The following NVL variants were observed in gnomAD, a reference collection of about 807,000 sequenced individuals.
NVL encodes nuclear VCP like.
In NVL, 84 loss-of-function variants were observed where a neutral mutation model predicts 110.2. The ratio of observed to expected loss-of-function variants is 0.76; its 90% CI spans 0.64 to 0.91. NVL has a LOEUF of 0.91. Ranked by LOEUF, NVL falls within the 40% of genes least tolerant of loss-of-function variation. The pLI, the probability that NVL is intolerant of heterozygous loss-of-function variation, is 0.00. For missense variants in NVL, 882 were observed against 1,035.9 expected (o/e 0.85, Z 2.04); for synonymous variants, 354 against 361.1 (o/e 0.98, Z 0.22).
intron 4 of NVL, chr1:224,313,294 A>T (rs984422446): frequency 1.3e-5 from 2 of 154,264 alleles, no homozygotes; most frequent in African/African-American, 4.8e-5. Flanking sequence ...TTTGCCTTAC[A>T]ACTCATGCCC....
chr1:224,327,005 T>G (rs577620978), intron 1 of NVL, among the ~76,000 whole-genome samples: 2 of 152,110 alleles, frequency 1.3e-5, no homozygotes, highest in Non-Finnish European at 2.9e-5. Context: ...TGGTTGGATG[T>G]GGTGGCTTGT....
At position 224,308,088 on chromosome 1, in the gene NVL, C is replaced by T. The variant is rs1669113767; in HGVS notation, c.518G>A (p.Trp173Ter). Residue 173 changes from tryptophan to a stop codon, truncating the protein, a stop_gained, in exon 6 of 23, where the codon TGG (tryptophan) becomes TAG (stop). Coordinates refer to ENST00000281701, the MANE Select transcript of NVL (RefSeq NM_002533.4). LOFTEE classifies it high-confidence loss of function. ...KTPAKDSEGG[W>*]FIDKTPSVKK... ...TACACTTGGGGTTTTGTCAATAAAC[C>T]ATCCTCCTTCAGAATCTTTGGCAGG... 1 of 1,611,034 alleles carries T rather than the reference C, an allele frequency of 6.2e-7. No individual in the cohort carries two copies. The highest frequency in any genetic ancestry group is 8.5e-7 in the Non-Finnish European group (1 of 1,178,972).
intron 8 of NVL, 134 bp downstream of exon 8, chr1:224,304,601 TC>T: frequency 1.4e-6 from 1 of 708,408 alleles, no homozygotes; most frequent in Non-Finnish European, 2.5e-6. Context: ...AGGGTACAGG[TC>T]AGGTTTGCCC....
chr1:224,288,397 C>G (rs1667069518), intron 13 of NVL, among the ~76,000 whole-genome samples: 1 of 152,010 alleles, frequency 6.6e-6, no homozygotes, highest in Admixed American at 6.6e-5. Context: ...TAATATGGTT[C>G]CTTGATGGTT....
intron 18 of NVL, among the ~76,000 whole-genome samples, chr1:224,257,895 G>A (rs951025928): frequency 1.3e-5 from 2 of 151,972 alleles, no homozygotes; most frequent in Non-Finnish European, 1.5e-5. Context: ...CTCACAACAC[G>A]CAACAAATTA....
rs1319728218 is a variant in NVL at position 224,300,648 on chromosome 1, T to C, written c.976A>G (p.Ile326Val). 1.2e-6 allele frequency: 2 copies of C among 1,613,822 alleles called. No homozygotes were observed. Among genetic ancestry groups the C allele is most frequent in the Non-Finnish European group, 1.7e-6 (2 of 1,179,776 alleles). The change falls in exon 10 of 23, where the codon ATT becomes GTT. Residue 326 changes from isoleucine to valine, a missense_variant. Physicochemically the swap from Ile to Val is conservative, Grantham distance 29. Transcript: ENST00000281701. ...ATCTCTGGAGCAGCCACTTTCAAAA[T>C]TGGCAGGTCAAGTTCCTATGCAGAC... ...HAIAGELDLP[I>V]LKVAAPEIVS...
chr1:224,290,941 C>A (rs1348520090), intron 12 of NVL, among the ~76,000 whole-genome samples: 1 of 151,972 alleles, frequency 6.6e-6, no homozygotes, highest in Non-Finnish European at 1.5e-5. Context: ...TGCACTCCAG[C>A]CCGGACGACA....
intron 18 of NVL, among the ~76,000 whole-genome samples, chr1:224,258,941 G>A (rs1029665283): frequency 2.8e-5 from 4 of 140,806 alleles, no homozygotes; most frequent in South Asian, 2.3e-4. Flanking sequence ...CCAGGAGTGC[G>A]AGACCAACCT....
intron 19 of NVL, 155 bp from the exon 20 acceptor site, chr1:224,236,737 C>A (rs1217538346): frequency 2.6e-5 from 15 of 577,634 alleles, no homozygotes; most frequent in Non-Finnish European, 2.2e-5. Flanking sequence ...ATGGTAAAAC[C>A]CCATCTCTAC....
rs200099096 is a variant in NVL, at chr1:224,304,696, A to G, written c.825+40T>C. On this transcript the variant is annotated intron_variant, in intron 8 of 22. Coordinates refer to ENST00000281701, the MANE Select transcript of NVL (RefSeq NM_002533.4). ...GGCTTTTTCCTCATAACTGATTAGT[A>G]ATATATCCATTTGAGGTAAAATTCA... 7.4e-5 allele frequency: 109 copies of G among 1,469,430 alleles called. No individual in the cohort carries two copies. In the African/African-American group the frequency reaches 1.1e-3, roughly 15 times the overall value. 91.0% of individuals were successfully genotyped at this position (1,469,430 alleles called of 1,614,324 possible).
chr1:224,254,663 T>C (rs1328114910), intron 18 of NVL, among the ~76,000 whole-genome samples: 1 of 145,990 alleles, frequency 6.8e-6, no homozygotes, highest in Non-Finnish European at 1.5e-5. Flanking sequence ...GATCTGCTCA[T>C]CTCGGCCTCC....
At chr1:224,295,242 A>G (rs984372653) in intron 11 of NVL, among the ~76,000 whole-genome samples, 2 of 151,602 alleles carry the variant, frequency 1.3e-5, no homozygotes, top group East Asian at 1.9e-4. Context: ...GCCCAGGCTG[A>G]AGTGCAGTGG....
chr1:224,237,538 T>G (rs1421699711), intron 19 of NVL, among the ~76,000 whole-genome samples: 1 of 152,120 alleles, frequency 6.6e-6, no homozygotes, highest in East Asian at 1.9e-4. Flanking sequence ...GCATACATTA[T>G]GTTTAATAAT....
intron 19 of NVL, among the ~76,000 whole-genome samples, chr1:224,243,157 G>A (rs1382592473): frequency 2.6e-5 from 4 of 151,674 alleles, no homozygotes; most frequent in African/African-American, 9.7e-5. Flanking sequence ...TCACACAGTC[G>A]ACTGTGAAAA....
rs750744570 is a variant in NVL at position 224,308,068 on chromosome 1, T to G, written c.538A>C (p.Ser180Arg). 5 of 1,606,842 alleles carry G rather than the reference T, an allele frequency of 3.1e-6. No individual in the cohort carries two copies. The highest frequency in any genetic ancestry group is 4.2e-6 in the Non-Finnish European group (5 of 1,177,792). ...EGGWFIDKTP[S>R]VKKDSFFLDL... ...AAGAAAAAACTGTCTTTCTTTACAC[T>G]TGGGGTTTTGTCAATAAACCATCCT... Residue 180 changes from serine to arginine, a missense_variant, in exon 6 of 23, where the codon AGT (serine) becomes CGT (arginine). Ser to Arg is a moderately radical substitution (Grantham distance 110, BLOSUM62 -1). This residue lies in a region of NVL where 274 missense variants were observed against 268.4 expected (regional missense o/e 1.02). Transcript: ENST00000281701.
chr1:224,275,282 A>C (rs1558290561), intron 17 of NVL, 57 bp downstream of exon 17: 1 of 1,601,858 alleles, frequency 6.2e-7, no homozygotes, highest in Non-Finnish European at 8.5e-7. Context: ...GGCTTGGAAC[A>C]TAGAAAAGGT....
chr1:224,309,791 G>T (rs1669327413), intron 5 of NVL, among the ~76,000 whole-genome samples: 1 of 152,142 alleles, frequency 6.6e-6, no homozygotes, highest in Non-Finnish European at 1.5e-5. Context: ...CACTTTGGGA[G>T]GCCAAGGTGG....
At chr1:224,281,340 G>A (rs1398059556) in intron 15 of NVL, among the ~76,000 whole-genome samples, 155 bp from the exon 16 acceptor site, 3 of 150,160 alleles carry the variant, frequency 2.0e-5, no homozygotes, top group African/African-American at 4.9e-5. Context: ...TTGCTCTGTC[G>A]CCCAGGATGA....
At chr1:224,234,380 AAAAT>A (rs1660238472) in intron 20 of NVL, among the ~76,000 whole-genome samples, 1 of 152,112 alleles carries the variant, frequency 6.6e-6, no homozygotes, top group African/African-American at 2.4e-5. Context: ...ATGAAAATGA[AAAAT>A]AAATTTTTTT....
Sources: gnomAD v4.1 joint callset for allele counts (sites outside exome capture counted in the v4.1 genomes callset) on GRCh38, gnomAD v4.1.1 for gene constraint, gnomAD v4.1.1 regional missense constraint, MANE v1.5 for transcripts, NCBI Gene and HGNC (gene_info 2026-07-23, HGNC 2026-07-21) for gene names.